Variants in LIPM observed in about 807,000 individuals in gnomAD.
LIPM encodes lipase family member M, also known as lipase member M.
Under a neutral mutation model 42.4 loss-of-function variants are expected in LIPM, and 42 were observed. The observed-to-expected ratio is 0.99, with a 90% confidence interval of 0.77 to 1.28. The LOEUF (loss-of-function observed/expected upper bound fraction) is 1.28. Ranked by LOEUF, LIPM falls within the 50% of genes most tolerant of loss-of-function variation. The pLI is 0.00. For synonymous variants in LIPM, 177 were observed against 173.3 expected (o/e 1.02, Z -0.17); for missense variants, 524 against 520.1 (o/e 1.01, Z -0.07).
intron 4 of LIPM, 54 bp from the exon 5 acceptor site, chr10:88,815,034 T>C: frequency 6.8e-7 from 1 of 1,472,958 alleles, no homozygotes; most frequent in South Asian, 1.4e-5. Context: ...AATATACATT[T>C]TATGAGTTCT....
chr10:88,812,025 C>T (rs1191556503), intron 2 of LIPM, among the ~76,000 whole-genome samples: 1 of 152,200 alleles, frequency 6.6e-6, no homozygotes, highest in Non-Finnish European at 1.5e-5. Context: ...GGATCATTTA[C>T]TATACATTTG....
chr10:88,820,339 T>G lies in LIPM; in HGVS notation c.1110T>G (p.Ser370=). The change falls in exon 9 of 9, where the codon TCT becomes TCG. Residue 370 remains serine, a synonymous_variant. Coordinates refer to ENST00000404743, the MANE Select transcript of LIPM (RefSeq NM_001128215.1). ...SNPEDVKMLL[S]EVTNLIYHKN... ...CAGAAGACGTGAAAATGCTGCTCTC[T>G]GAGGTGACCAACCTCATCTACCATA... The G allele has an allele frequency of 6.4e-7, 1 of 1,552,346 alleles. No individual in the cohort carries two copies. The highest frequency in any genetic ancestry group is 8.7e-7 in the Non-Finnish European group (1 of 1,147,136).
In LIPM at chr10:88,815,886, C is replaced by A. The variant is rs534905462; in HGVS notation, c.858+383C>A. Among the ~76,000 whole-genome samples, 9 of 152,270 alleles carry A rather than the reference C, an allele frequency of 5.9e-5. No individual in the cohort carries two copies. The East Asian group carries it at 1.7e-3, about 29-fold the overall frequency. On this transcript the variant is annotated intron_variant, in intron 6 of 8. Transcript: ENST00000404743. Reference sequence around the variant, plus strand: ...AAGTTCTTTGATGGAACATCAGGGACCTTCATTTTGGCTTAGGCTACCAGT... The same window carrying A: ...AAGTTCTTTGATGGAACATCAGGGAACTTCATTTTGGCTTAGGCTACCAGT...
rs763610941 is a variant in LIPM, at chr10:88,813,148, A to T, written c.317A>T (p.Asn106Ile). 2 of 1,611,542 alleles carry T rather than the reference A, an allele frequency of 1.2e-6. No homozygotes were observed. The highest frequency in any genetic ancestry group is 3.4e-5 in the Admixed American group (2 of 59,634). The change falls in exon 3 of 9, where the codon AAC becomes ATC. Residue 106 changes from asparagine (N) to isoleucine (I), a missense_variant. Asn to Ile is a moderately radical substitution (Grantham distance 149, BLOSUM62 -3). Transcript: ENST00000404743. ...CATGGCCTAGTTGGAGGTGCTAGCAACTGGATTTCCAACCTGCCCAACAAT... is the reference window on the plus strand; with the variant it reads ...CATGGCCTAGTTGGAGGTGCTAGCATCTGGATTTCCAACCTGCCCAACAAT... ...LQHGLVGGASNWISNLPNNSL... is the reference protein window; with the variant it reads ...LQHGLVGGASIWISNLPNNSL...
intron 4 of LIPM, 39 bp from the exon 5 acceptor site, chr10:88,815,049 A>G (rs1843701049): frequency 2.0e-6 from 3 of 1,507,820 alleles, no homozygotes; most frequent in Non-Finnish European, 8.9e-7. Context: ...AGTTCTAAAA[A>G]TATTTCGTAT....
chr10:88,815,935 A>G (rs1564598663), intron 6 of LIPM, among the ~76,000 whole-genome samples: 2 of 152,132 alleles, frequency 1.3e-5, no homozygotes, highest in Non-Finnish European at 2.9e-5. Flanking sequence ...TGGGTTCCCT[A>G]GGAAGCATAC....
intron 2 of LIPM, 96 bp downstream of exon 2, chr10:88,808,511 GC>G (rs1197090722): frequency 2.8e-6 from 2 of 711,448 alleles, no homozygotes; most frequent in Non-Finnish European, 4.9e-6. Flanking sequence ...GGTTCTTAGT[GC>G]AGAGTGAGGT....
rs767084231 is a variant in LIPM, at chr10:88,808,285, G to A, written c.148-13G>A. 1.2e-5 allele frequency: 17 copies of A among 1,467,550 alleles called. No homozygotes were observed. The South Asian group carries it at 1.3e-4, about 12-fold the overall frequency. 90.9% of individuals were successfully genotyped at this position (1,467,550 alleles called of 1,614,324 possible). On this transcript the variant is annotated splice_polypyrimidine_tract_variant and intron_variant, in intron 1 of 8. Coordinates refer to ENST00000404743, the MANE Select transcript of LIPM (RefSeq NM_001128215.1). ...GAGAACTGAACCTAAAAGAAATTGT[G>A]CTTTTTCCATAGAGTGAAATCATCC...
chr10:88,809,842 C>T (rs1843632991), intron 2 of LIPM, among the ~76,000 whole-genome samples: 1 of 152,184 alleles, frequency 6.6e-6, no homozygotes, highest in Non-Finnish European at 1.5e-5. Context: ...GTGCACCTGC[C>T]TTAGTGTCTT....
intron 1 of LIPM, among the ~76,000 whole-genome samples, chr10:88,807,806 C>A (rs1564595393): frequency 6.6e-6 from 1 of 152,202 alleles, no homozygotes; most frequent in Admixed American, 6.5e-5. Context: ...GCCCCACTGG[C>A]TGCTTTAGAA....
At position 88,813,272 on chromosome 10, in the gene LIPM, C is replaced by G. The variant is rs1413740909; in HGVS notation, c.441C>G (p.Asp147Glu). 1.9e-6 allele frequency: 3 copies of G among 1,608,356 alleles called. No homozygotes were observed. The highest frequency in any genetic ancestry group is 2.5e-6 in the Non-Finnish European group (3 of 1,176,766). The stretch of plus-strand genomic sequence containing the variant: ...GAAAACACAAGACACTCTCCATAGA[C>G]CAAGATGAGTTCTGGGCTTTCAGGT... ...WSRKHKTLSI[D>E]QDEFWAFSYD... The change falls in exon 3 of 9, where the codon GAC becomes GAG. Residue 147 changes from aspartate to glutamate, a missense_variant. By Grantham distance (45) the Asp-to-Glu change is conservative. Transcript: ENST00000404743.
chr10:88,805,972 G>A (rs1453977698), intron 1 of LIPM: 1 of 456,502 alleles, frequency 2.2e-6, no homozygotes, highest in East Asian at 6.9e-5. Flanking sequence ...TCCTACGTTG[G>A]GCTGAGATGA....
rs1283211430 is a variant in LIPM at position 88,815,523 on chromosome 10, A to T, written c.858+20A>T. ...AACATGGTAAGTGGGAGCCTAGTAA[A>T]TTCCCAGCATCCCAGCATAAAGCTG... On this transcript the variant is annotated intron_variant, in intron 6 of 8. Coordinates refer to ENST00000404743, the MANE Select transcript of LIPM (RefSeq NM_001128215.1). 6.5e-7 allele frequency: 1 copy of T among 1,548,714 alleles called. No homozygotes were observed. Among genetic ancestry groups the T allele is most frequent in the Non-Finnish European group, 8.7e-7 (1 of 1,145,286 alleles).
At chr10:88,809,424 G>A (rs1843627553) in intron 2 of LIPM, among the ~76,000 whole-genome samples, 1 of 152,066 alleles carries the variant, frequency 6.6e-6, no homozygotes, top group Non-Finnish European at 1.5e-5. Flanking sequence ...TCTAGCAGTA[G>A]GTTTATAGTA....
In LIPM at chr10:88,803,463, G is replaced by A. The variant is rs1403552517; in HGVS notation, c.147+420G>A. 4.6e-5 allele frequency among the ~76,000 whole-genome samples: 7 copies of A among 152,076 alleles called. No homozygotes were observed. The East Asian group carries it at 1.3e-3, about 29-fold the overall frequency. Reference sequence around the variant, plus strand: ...CTTGCTATCAGGGCACACACTTCTAGTAGCATCTTATACCATTCTAATCTA... The same window carrying A: ...CTTGCTATCAGGGCACACACTTCTAATAGCATCTTATACCATTCTAATCTA... On this transcript the variant is annotated intron_variant, in intron 1 of 8. Transcript: ENST00000404743.
At chr10:88,805,983 C>T (rs560954150) in intron 1 of LIPM, 93 of 456,548 alleles carry the variant, frequency 2.0e-4, no homozygotes, top group South Asian at 1.4e-3. Flanking sequence ...GCTGAGATGA[C>T]CAGGCCTTTA....
At chr10:88,806,269 C>T (rs1843585670) in intron 1 of LIPM, among the ~76,000 whole-genome samples, 1 of 152,180 alleles carries the variant, frequency 6.6e-6, no homozygotes, top group South Asian at 2.1e-4. Context: ...CTCCTTGGCT[C>T]TTTTGAGCAA....
At chr10:88,806,737 T>C (rs1843592975) in intron 1 of LIPM, among the ~76,000 whole-genome samples, 1 of 152,122 alleles carries the variant, frequency 6.6e-6, no homozygotes, top group Non-Finnish European at 1.5e-5. Context: ...CAGGTTGGAG[T>C]GCAGTGGCGC....
chr10:88,814,312 C>G (rs1843690298), intron 3 of LIPM, among the ~76,000 whole-genome samples: 1 of 152,154 alleles, frequency 6.6e-6, no homozygotes, highest in South Asian at 2.1e-4. Context: ...TACGTGATAA[C>G]ATCTAGAGAA....
Sources: gnomAD v4.1 joint callset for allele counts (sites outside exome capture counted in the v4.1 genomes callset) on GRCh38, gnomAD v4.1.1 for gene constraint, MANE v1.5 for transcripts, NCBI Gene and HGNC (gene_info 2026-07-23, HGNC 2026-07-21) for gene names.